Variants in GGTLC1 observed in about 807,000 individuals in gnomAD.
GGTLC1 encodes the protein gamma-glutamyltransferase light chain 1.
A neutral mutation model predicts 19.5 loss-of-function variants in GGTLC1; 14 were observed. That is an observed-to-expected ratio of 0.72 (90% CI 0.47 to 1.12). The LOEUF is 1.12. GGTLC1 is among the 50% of genes most tolerant of loss of function. GGTLC1 has a pLI of 0.00. For missense variants in GGTLC1, 304 were observed against 309.2 expected (o/e 0.98, Z 0.13); for synonymous variants, 110 against 124.2 (o/e 0.89, Z 0.76).
chr20:23,986,817 A>G, intron 1 of GGTLC1, 172 bp from the exon 2 acceptor site: 2 of 1,446,548 alleles, frequency 1.4e-6, no homozygotes, highest in Non-Finnish European at 1.8e-6. Flanking sequence ...GTCGCATTCC[A>G]GCAACTCTGA....
At position 23,986,774 on chromosome 20, in the gene GGTLC1, G is replaced by A. The variant is rs186361464; in HGVS notation, c.-34-129C>T. On this transcript the variant is annotated intron_variant, in intron 1 of 5. Coordinates refer to ENST00000335694, the MANE Select transcript of GGTLC1 (RefSeq NM_178311.3). ...CCCCAGGACCCAAGGGCAGGCCCAG[G>A]ACCTTGCATGACCAGTCTGACTCCC... 379 of 1,409,270 alleles carry A rather than the reference G, an allele frequency of 2.7e-4. 1 individual carries two copies. In the African/African-American group the frequency reaches 5.0e-3, roughly 18 times the overall value. 87.3% of individuals were successfully genotyped at this position (1,409,270 alleles called of 1,614,324 possible).
At chr20:23,987,866 A>G (rs187934333) in intron 1 of GGTLC1, among the ~76,000 whole-genome samples, 15 of 145,458 alleles carry the variant, frequency 1.0e-4, no homozygotes, top group East Asian at 2.1e-4. Flanking sequence ...TGGCTAACAC[A>G]GTGAAACCCC....
At chr20:23,985,630 C>T (rs1600493098) in intron 5 of GGTLC1, 37 bp downstream of exon 5, 1 of 1,611,272 alleles carries the variant, frequency 6.2e-7, no homozygotes, top group Non-Finnish European at 8.5e-7. Flanking sequence ...CCCTGGGGCC[C>T]CACACCGTGA....
At chr20:23,988,169 C>A (rs184825320) in intron 1 of GGTLC1, among the ~76,000 whole-genome samples, 1 of 144,878 alleles carries the variant, frequency 6.9e-6, no homozygotes, top group Non-Finnish European at 1.5e-5. Context: ...GTGTCTCAAC[C>A]GCCGGAGTAG....
Position 23,986,163 on chromosome 20 carries a change from G to T in GGTLC1, c.217C>A (p.Leu73Ile). ...KVRSPVSGIL[L>I]NNEMDDFSST... ...CTGAAGTCATCCATTTCATTATTGA[G>T]CAGGATCCCGCTGACTGGGGAGCGC... Residue 73 changes from leucine (L) to isoleucine (I), a missense_variant, in exon 3 of 6, where the codon CTC becomes ATC. Transcript: ENST00000335694. 6.2e-7 allele frequency: 1 copy of T among 1,613,612 alleles called. No homozygotes were observed. Among genetic ancestry groups the T allele is most frequent in the Non-Finnish European group, 8.5e-7 (1 of 1,179,706 alleles).
At position 23,985,959 on chromosome 20, in the gene GGTLC1, G is replaced by C; in HGVS notation, c.320C>G (p.Ser107Trp). ...NFIQPGKQPL[S>W]SMCPTIMVGQ... ...CACCATGATCGTCGGGCACATGGAC[G>C]AGAGCGGCTGCTTCCCTGCGGCCAA... Residue 107 changes from serine (S) to tryptophan (W), a missense_variant, in exon 4 of 6, where the codon TCG becomes TGG. Coordinates refer to ENST00000335694, the MANE Select transcript of GGTLC1 (RefSeq NM_178311.3). The C allele has an allele frequency of 1.2e-6, 2 of 1,611,942 alleles. No homozygotes were observed. Among genetic ancestry groups the C allele is most frequent in the African/African-American group, 1.3e-5 (1 of 74,968 alleles).
chr20:23,988,260 C>T (rs1770871421), intron 1 of GGTLC1, among the ~76,000 whole-genome samples: 1 of 151,486 alleles, frequency 6.6e-6, no homozygotes, highest in Admixed American at 6.6e-5. Flanking sequence ...GTTGGCCAGG[C>T]TGGTCTCCAA....
chr20:23,985,146 A>C lies in GGTLC1; in HGVS notation c.*70T>G. 6.2e-7 allele frequency: 1 copy of C among 1,606,010 alleles called. No individual in the cohort carries two copies. On this transcript the variant is annotated 3_prime_UTR_variant, in exon 6 of 6. Transcript: ENST00000335694. ...GCTCACAGGAGAAGCCTGTCCCCCAAAGTCCTCTTCCTCGTCCTGGTGAGT... is the reference window on the plus strand; with the variant it reads ...GCTCACAGGAGAAGCCTGTCCCCCACAGTCCTCTTCCTCGTCCTGGTGAGT...
chr20:23,987,123 C>G (rs1177448260), intron 1 of GGTLC1, among the ~76,000 whole-genome samples: 1 of 152,112 alleles, frequency 6.6e-6, no homozygotes, highest in Non-Finnish European at 1.5e-5. Flanking sequence ...CCTAAATGGT[C>G]AGTGCAAAGG....
intron 1 of GGTLC1, chr20:23,986,995 A>G (rs1987966451): frequency 4.6e-6 from 2 of 433,030 alleles, no homozygotes; most frequent in Admixed American, 7.5e-5. Flanking sequence ...AAACACACAC[A>G]GCGAAAGTGC....
Position 23,985,982 on chromosome 20 carries a change from C to T in GGTLC1, c.305-8G>A, listed in dbSNP as rs1174495491. 3 of 1,611,888 alleles carry T rather than the reference C, an allele frequency of 1.9e-6. No homozygotes were observed. The highest frequency in any genetic ancestry group is 1.3e-5 in the African/African-American group (1 of 74,854). On this transcript the variant is annotated splice_polypyrimidine_tract_variant and splice_region_variant and intron_variant, in intron 3 of 5. Coordinates refer to ENST00000335694, the MANE Select transcript of GGTLC1 (RefSeq NM_178311.3). ...ACGAGAGCGGCTGCTTCCCTGCGGC[C>T]AATGGGAGAAGACAGGGATGCCCGT...
chr20:23,985,485 G>T, intron 5 of GGTLC1, 123 bp from the exon 6 acceptor site: 2 of 1,599,742 alleles, frequency 1.3e-6, no homozygotes, highest in Non-Finnish European at 1.7e-6. Context: ...GGAAGAGCAG[G>T]TTGGGGCCTG....
intron 1 of GGTLC1, among the ~76,000 whole-genome samples, chr20:23,988,236 C>CG: frequency 6.6e-6 from 1 of 150,816 alleles, no homozygotes; most frequent in Admixed American, 6.6e-5. Context: ...TTACTAGAGA[C>CG]GGGGTTTCGC....
At chr20:23,987,538 G>A (rs1248552179) in intron 1 of GGTLC1, among the ~76,000 whole-genome samples, 3 of 151,824 alleles carry the variant, frequency 2.0e-5, no homozygotes, top group South Asian at 2.1e-4. Context: ...ATGGGTGCAC[G>A]TATAAAAAAA....
intron 1 of GGTLC1, among the ~76,000 whole-genome samples, chr20:23,987,346 G>A (rs889566310): frequency 2.6e-5 from 4 of 152,154 alleles, no homozygotes; most frequent in South Asian, 2.1e-4. Flanking sequence ...CAGCTATGAC[G>A]GGGATAAGGA....
Position 23,986,547 on chromosome 20 carries a change from A to G in GGTLC1, c.65T>C (p.Ile22Thr). ...GTAGAACTCGGGCTTGTAGTAGGAG[A>G]TCGGGTGAGTGGTGTCGTCAGAGAT... is the stretch of plus-strand genomic sequence containing the variant. Reference protein sequence around the residue: ...AQISDDTTHPISYYKPEFYMP... With the variant: ...AQISDDTTHPTSYYKPEFYMP... Residue 22 changes from isoleucine (I) to threonine (T), a missense_variant, in exon 2 of 6, where the codon ATC (isoleucine) becomes ACC (threonine). By Grantham distance (89) the Ile-to-Thr change is moderately conservative. Transcript: ENST00000335694. 6.2e-7 allele frequency: 1 copy of G among 1,610,638 alleles called. No homozygotes were observed. The highest frequency in any genetic ancestry group is 8.5e-7 in the Non-Finnish European group (1 of 1,179,522).
In GGTLC1 at chr20:23,985,870, T is replaced by G; in HGVS notation, c.409A>C (p.Thr137Pro). ...AAAGGTGTGACACATACCAGTGCAG[T>G]GGCCATGGTGATCTGCGTGCCCCCG... Reference protein sequence around the residue: ...AAGGTQITMATALAIIYNLWF... With the variant: ...AAGGTQITMAPALAIIYNLWF... Residue 137 changes from threonine (T) to proline (P), a missense_variant, in exon 4 of 6, where the codon ACT becomes CCT. Thr to Pro is a conservative substitution (Grantham distance 38). Coordinates refer to ENST00000335694, the MANE Select transcript of GGTLC1 (RefSeq NM_178311.3). 1.2e-6 allele frequency: 2 copies of G among 1,612,014 alleles called. No homozygotes were observed. Among genetic ancestry groups the G allele is most frequent in the Non-Finnish European group, 1.7e-6 (2 of 1,179,850 alleles).
At chr20:23,987,755 C>T (rs1384306026) in intron 1 of GGTLC1, among the ~76,000 whole-genome samples, 3 of 151,486 alleles carry the variant, frequency 2.0e-5, no homozygotes, top group East Asian at 4.0e-4. Context: ...ACACCGGGCG[C>T]GGTGGCTCAC....
Sources: allele counts gnomAD v4.1 joint callset (sites outside exome capture counted in the v4.1 genomes callset), GRCh38; gene constraint gnomAD v4.1.1; transcripts MANE v1.5; gene names NCBI Gene and HGNC (gene_info 2026-07-23, HGNC 2026-07-21).